AURKA: variants seen among roughly 807,000 people sequenced by gnomAD.
The protein encoded by AURKA is aurora kinase A, also known as aurora 2.
A neutral mutation model predicts 40.9 loss-of-function variants in AURKA; 12 were observed. That is an observed-to-expected ratio of 0.29 (90% CI 0.19 to 0.48). The LOEUF (loss-of-function observed/expected upper bound fraction) is 0.48. Ranked by LOEUF, AURKA falls within the 20% of genes least tolerant of loss-of-function variation. AURKA has a pLI of 0.99. For missense variants in AURKA, 322 were observed against 462.1 expected, an observed-to-expected ratio of 0.70 and a Z score of 2.78; for synonymous variants, 170 against 164.3, an observed-to-expected ratio of 1.03 and a Z score of -0.26.
chr20:56,371,258 C>A (rs757417486), intron 7 of AURKA, among the ~76,000 whole-genome samples: 1 of 152,052 alleles, frequency 6.6e-6, no homozygotes, highest in African/African-American at 2.4e-5. Flanking sequence ...GTCAGGAGAT[C>A]GAGACCATCC....
At chr20:56,374,464 C>A (rs1984667637) in intron 6 of AURKA, among the ~76,000 whole-genome samples, 1 of 152,082 alleles carries the variant, frequency 6.6e-6, no homozygotes, top group Admixed American at 6.6e-5. Context: ...AAAAAATTAT[C>A]CTGAACAATA....
intron 1 of AURKA, among the ~76,000 whole-genome samples, chr20:56,391,184 GT>G (rs1053143488): frequency 2.0e-5 from 3 of 152,338 alleles, no homozygotes; most frequent in African/African-American, 7.2e-5. Flanking sequence ...GGTTTATACG[GT>G]TTATTCCTTC....
intron 4 of AURKA, among the ~76,000 whole-genome samples, chr20:56,383,736 G>T (rs577241550): frequency 2.0e-5 from 3 of 152,322 alleles, no homozygotes; most frequent in Non-Finnish European, 4.4e-5. Flanking sequence ...AAAAGCAAAA[G>T]AGTCTGTGGG....
At chr20:56,391,956 A>T (rs1284666221) in intron 1 of AURKA, 1 of 149,892 alleles carries the variant, frequency 6.7e-6, no homozygotes, top group Admixed American at 6.6e-5. Context: ...TAGCTGTAAT[A>T]AGTAACAAGC....
intron 2 of AURKA, among the ~76,000 whole-genome samples, chr20:56,387,453 T>C (rs1303204207): frequency 6.6e-6 from 1 of 152,158 alleles, no homozygotes; most frequent in Non-Finnish European, 1.5e-5. Flanking sequence ...CGCCCAGCCT[T>C]GAAATGTATT....
intron 3 of AURKA, 23 bp downstream of exon 3, chr20:56,386,234 A>G (rs1600707432): frequency 1.2e-6 from 2 of 1,614,106 alleles, no homozygotes; most frequent in Non-Finnish European, 8.5e-7. Context: ...GGACTATCCA[A>G]TGAGTCTCAA....
At chr20:56,379,893 G>A (rs1985457374) in intron 6 of AURKA, among the ~76,000 whole-genome samples, 1 of 151,456 alleles carries the variant, frequency 6.6e-6, no homozygotes, top group Admixed American at 6.6e-5. Flanking sequence ...AACCCAGGAG[G>A]TGAAGGCTGC....
chr20:56,381,577 A>G lies in AURKA; in HGVS notation c.567-6T>C, dbSNP rs1985716090. The G allele has an allele frequency of 6.2e-7, 1 of 1,613,494 alleles. No individual in the cohort carries two copies. Among genetic ancestry groups the G allele is most frequent in the Non-Finnish European group, 8.5e-7 (1 of 1,179,782 alleles). On this transcript the variant is annotated splice_polypyrimidine_tract_variant and splice_region_variant and intron_variant, in intron 5 of 8. Coordinates refer to ENST00000395915, the MANE Select transcript of AURKA (RefSeq NM_198437.3). Reference sequence around the variant, plus strand: ...GTCTAAGAATATTAGGATGCCTGCAACAAAGGATAAACATTCTAACACTTG... The same window carrying G: ...GTCTAAGAATATTAGGATGCCTGCAGCAAAGGATAAACATTCTAACACTTG...
intron 1 of AURKA, among the ~76,000 whole-genome samples, chr20:56,389,498 A>G (rs1162003942): frequency 1.3e-5 from 2 of 151,962 alleles, no homozygotes; most frequent in African/African-American, 2.4e-5. Flanking sequence ...TCCATCTCCA[A>G]TTACTCCCTA....
rs1432466899 is a variant in AURKA at position 56,370,299 on chromosome 20, C to G, written c.1071G>C (p.Arg357Ser). ...TFPDFVTEGA[R>S]DLISRLLKHN... ...GCTTCAACAGTCTTGAAATGAGGTC[C>G]CTGGCTCCCTCTGTTACAAAGTCAG... The change falls in exon 9 of 9, where the codon AGG becomes AGC. Residue 357 changes from arginine (R) to serine (S), a missense_variant. Arg to Ser is a moderately radical substitution (Grantham distance 110). Transcript: ENST00000395915. 1.2e-6 allele frequency: 2 copies of G among 1,614,168 alleles called. No individual in the cohort carries two copies. The highest frequency in any genetic ancestry group is 2.7e-5 in the African/African-American group (2 of 75,032).
intron 4 of AURKA, among the ~76,000 whole-genome samples, chr20:56,383,381 G>C (rs1007280902): frequency 2.0e-5 from 3 of 152,178 alleles, no homozygotes; most frequent in Non-Finnish European, 4.4e-5. Flanking sequence ...TCAGGTGTGA[G>C]AGTCAGTGAC....
chr20:56,389,072 G>A (rs1374973616), intron 1 of AURKA, among the ~76,000 whole-genome samples: 1 of 152,148 alleles, frequency 6.6e-6, no homozygotes, highest in African/African-American at 2.4e-5. Flanking sequence ...AATCTGACAA[G>A]GTTGATCACA....
chr20:56,383,090 T>C lies in AURKA; in HGVS notation c.461A>G (p.Gln154Arg), dbSNP rs751997979. 3 of 1,614,246 alleles carry C rather than the reference T, an allele frequency of 1.9e-6. No homozygotes were observed. The highest frequency in any genetic ancestry group is 2.5e-6 in the Non-Finnish European group (3 of 1,180,044). Residue 154 changes from glutamine to arginine, a missense_variant, in exon 5 of 9, where the codon CAA becomes CGA. Transcript: ENST00000395915. ...FGNVYLAREK[Q>R]SKFILALKVL... ...TTTAAGAGCCAGAATAAACTTGCTT[T>C]GCTTTTCTCTTGCCAAATAAACATT...
At chr20:56,386,139 C>T (rs1345750703) in intron 3 of AURKA, 118 bp downstream of exon 3, 16 of 1,417,566 alleles carry the variant, frequency 1.1e-5, no homozygotes, top group Non-Finnish European at 1.6e-5. Flanking sequence ...TATTTTCTCC[C>T]CATCCTCAAC....
Position 56,373,155 on chromosome 20 carries a change from T to A in AURKA, c.854+253A>T, listed in dbSNP as rs191010622. On this transcript the variant is annotated intron_variant, in intron 7 of 8. Transcript: ENST00000395915. This position sits in a 1 kb window ranked among gnomAD's most constrained non-coding sequence, Gnocchi z 5.0. ...ATCTGTTGACTCATTCATCCCTTCA[T>A]TAGCCTCTAAGGACATTAAGCATCT... Among the ~76,000 whole-genome samples, 156 of 152,348 alleles carry A rather than the reference T, an allele frequency of 1.0e-3. No individual in the cohort carries two copies. Among genetic ancestry groups the A allele is most frequent in the African/African-American group, 3.6e-3 (150 of 41,578 alleles).
At chr20:56,381,603 G>A in intron 5 of AURKA, 32 bp from the exon 6 acceptor site, 1 of 1,611,628 alleles carries the variant, frequency 6.2e-7, no homozygotes, top group African/African-American at 1.3e-5. Context: ...CTAACACTTG[G>A]TTTGGAGCTC....
chr20:56,385,579 A>G (rs935163631), intron 3 of AURKA, among the ~76,000 whole-genome samples: 1 of 151,712 alleles, frequency 6.6e-6, no homozygotes, highest in Non-Finnish European at 1.5e-5. Flanking sequence ...CTCCTGCCTC[A>G]GCCTCCTGAG....
intron 6 of AURKA, among the ~76,000 whole-genome samples, chr20:56,375,468 T>G (rs1984818244): frequency 6.6e-6 from 1 of 152,132 alleles, no homozygotes; most frequent in Admixed American, 6.5e-5. Context: ...AACATACAGA[T>G]AACTGTTTGA....
intron 6 of AURKA, among the ~76,000 whole-genome samples, chr20:56,377,793 A>C (rs567696263): frequency 1.3e-5 from 2 of 152,240 alleles, no homozygotes; most frequent in Non-Finnish European, 2.9e-5. Context: ...CTCAAAAAAA[A>C]AAAGAGACGT....
Sources: gnomAD v4.1 joint callset for allele counts (sites outside exome capture counted in the v4.1 genomes callset) on GRCh38, gnomAD v4.1.1 for gene constraint, Gnocchi (gnomAD v3.1) non-coding constraint, MANE v1.5 for transcripts, NCBI Gene and HGNC (gene_info 2026-07-23, HGNC 2026-07-21) for gene names.